The following RBFOX3 variants were observed in gnomAD, a reference collection of about 807,000 sequenced individuals.
RBFOX3 encodes RNA binding protein fox-1 homolog 3.
A neutral mutation model predicts 48.7 loss-of-function variants in RBFOX3; 17 were observed. The ratio of observed to expected loss-of-function variants is 0.35; its 90% CI spans 0.24 to 0.52. RBFOX3 has a LOEUF of 0.52. Among genes scored for constraint, RBFOX3 ranks in the 20% least tolerant of loss-of-function variants. The pLI, the probability that RBFOX3 is intolerant of heterozygous loss-of-function variation, is 0.94. For missense variants in RBFOX3, 382 were observed against 497.5 expected, an observed-to-expected ratio of 0.77 and a Z score of 2.21; for synonymous variants, 212 against 209.5, an observed-to-expected ratio of 1.01 and a Z score of -0.10.
intron 4 of RBFOX3, among the ~76,000 whole-genome samples, chr17:79,131,802 G>T (rs2707048): frequency 6.6e-6 from 1 of 151,910 alleles, no homozygotes; most frequent in Non-Finnish European, 1.5e-5. Context: ...GCTGAGAGAT[G>T]GCCCCGAATC....
At chr17:79,141,918 A>G (rs1445978729) in intron 4 of RBFOX3, among the ~76,000 whole-genome samples, 1 of 152,196 alleles carries the variant, frequency 6.6e-6, no homozygotes, top group African/African-American at 2.4e-5. Flanking sequence ...CCCCTACCTG[A>G]CCTCACAGGA....
intron 4 of RBFOX3, among the ~76,000 whole-genome samples, chr17:79,175,558 T>C (rs994758361): frequency 6.6e-6 from 1 of 152,240 alleles, no homozygotes; most frequent in African/African-American, 2.4e-5. Flanking sequence ...GCCCTCTTCC[T>C]GTCTCCAGGC....
At chr17:79,096,898 G>A (rs1351044367) in intron 11 of RBFOX3, 65 bp from the exon 12 acceptor site, 1 of 618,828 alleles carries the variant, frequency 1.6e-6, no homozygotes, top group Non-Finnish European at 2.9e-6. Flanking sequence ...CAAACCCCGG[G>A]GCCCATAGCC....
intron 1 of RBFOX3, among the ~76,000 whole-genome samples, chr17:79,494,260 G>A (rs945582639): frequency 1.3e-5 from 2 of 152,218 alleles, no homozygotes; most frequent in Admixed American, 6.5e-5. Flanking sequence ...GCAGTTCAGA[G>A]TCTTGGTGGG....
intron 2 of RBFOX3, among the ~76,000 whole-genome samples, chr17:79,411,934 G>T (rs1031097229): frequency 2.0e-4 from 31 of 152,232 alleles, no homozygotes; most frequent in African/African-American, 7.0e-4. Context: ...CGAGTGTGTA[G>T]TATGTGTGCG....
At chr17:79,507,819 T>C (rs1568359329) in intron 1 of RBFOX3, among the ~76,000 whole-genome samples, 1 of 152,122 alleles carries the variant, frequency 6.6e-6, no homozygotes, top group East Asian at 1.9e-4. Context: ...CACGCACCAA[T>C]GAGGTTGCAC....
chr17:79,368,625 C>T (rs1015421205), intron 2 of RBFOX3, among the ~76,000 whole-genome samples: 8 of 152,154 alleles, frequency 5.3e-5, no homozygotes, highest in African/African-American at 1.2e-4. Flanking sequence ...TGTTACCATC[C>T]GAGAAGGTGC....
intron 2 of RBFOX3, among the ~76,000 whole-genome samples, chr17:79,371,933 G>C (rs533619636): frequency 1.3e-5 from 2 of 152,258 alleles, no homozygotes; most frequent in Non-Finnish European, 2.9e-5. Context: ...GAGGATCGAG[G>C]CTCCTAAGCA....
At chr17:79,551,548 T>C (rs1171022332) in intron 1 of RBFOX3, among the ~76,000 whole-genome samples, 1 of 146,754 alleles carries the variant, frequency 6.8e-6, no homozygotes, top group East Asian at 2.0e-4. Flanking sequence ...GGTGGGTGGA[T>C]GGATGGGCAG....
chr17:79,180,081 G>C (rs1019354027), intron 4 of RBFOX3, among the ~76,000 whole-genome samples: 2 of 152,194 alleles, frequency 1.3e-5, no homozygotes, highest in African/African-American at 4.8e-5. Context: ...GGTGTCAGAT[G>C]ATCCGAAATC....
At position 79,243,091 on chromosome 17, in the gene RBFOX3, G is replaced by T. The variant is rs771657042; in HGVS notation, c.-73-7286C>A. Among the ~76,000 whole-genome samples, 2 of 152,190 alleles carry T rather than the reference G, an allele frequency of 1.3e-5. No homozygotes were observed. Among genetic ancestry groups the T allele is most frequent in the African/African-American group, 4.8e-5 (2 of 41,446 alleles). ...CATTTCAGCTTTACAACCACCCTAGGGGGCAGGTACTATGATCACTTCCAG... is the reference window on the plus strand; with the variant it reads ...CATTTCAGCTTTACAACCACCCTAGTGGGCAGGTACTATGATCACTTCCAG... On this transcript the variant is annotated intron_variant, in intron 3 of 14. Coordinates refer to ENST00000693108, the MANE Select transcript of RBFOX3 (RefSeq NM_001350451.2). The surrounding 1 kb of genome is among the most constrained non-coding windows in gnomAD (Gnocchi z 7.9).
Position 79,252,282 on chromosome 17 carries a change from G to A in RBFOX3, c.-73-16477C>T, listed in dbSNP as rs1406563367. ...CCCACTCTAGCCGAGTTCCCTGTGG[G>A]TCCAACCTTTTGCTTCCCTTGATGT... On this transcript the variant is annotated intron_variant, in intron 3 of 14. Coordinates refer to ENST00000693108, the MANE Select transcript of RBFOX3 (RefSeq NM_001350451.2). This position sits in a 1 kb window ranked among gnomAD's most constrained non-coding sequence, Gnocchi z 4.0. Among the ~76,000 whole-genome samples, 3 of 93,682 alleles carry A rather than the reference G, an allele frequency of 3.2e-5. No homozygotes were observed. The highest frequency in any genetic ancestry group is 4.8e-4 in the East Asian group (2 of 4,146). The allele number at this position is 93,682 out of a possible 152,430, so 61.5% of individuals were successfully genotyped here.
intron 2 of RBFOX3, among the ~76,000 whole-genome samples, chr17:79,455,238 T>C (rs565202659): frequency 1.3e-5 from 2 of 152,124 alleles, no homozygotes; most frequent in East Asian, 3.9e-4. Context: ...CACAAAAGGA[T>C]CCAAAGACGC....
intron 2 of RBFOX3, among the ~76,000 whole-genome samples, chr17:79,425,711 G>A (rs1290271873): frequency 6.6e-6 from 1 of 152,182 alleles, no homozygotes; most frequent in Non-Finnish European, 1.5e-5. Flanking sequence ...CACGAATTCC[G>A]ACTTAGAAGG....
upstream of RBFOX3, among the ~76,000 whole-genome samples, chr17:79,613,049 G>C (rs1033587959): frequency 4.1e-4 from 62 of 152,342 alleles, no homozygotes; most frequent in African/African-American, 1.4e-3. Context: ...TGCGAGTTCT[G>C]CATGTGCCTG....
chr17:79,452,651 G>A (rs2073747778), intron 2 of RBFOX3, among the ~76,000 whole-genome samples: 2 of 152,170 alleles, frequency 1.3e-5, no homozygotes, highest in African/African-American at 4.8e-5. Flanking sequence ...GAGGCTCCAG[G>A]AAGAAAGAAG....
intron 2 of RBFOX3, among the ~76,000 whole-genome samples, chr17:79,349,863 C>G (rs1016039918): frequency 3.3e-5 from 5 of 151,446 alleles, no homozygotes; most frequent in Admixed American, 6.6e-5. Flanking sequence ...GTTCCCTGAG[C>G]CCCCCGGGGC....
rs928151747 is a variant in RBFOX3 at position 79,488,734 on chromosome 17, T to G, written c.-319-6136A>C. Among the ~76,000 whole-genome samples, 7 of 152,328 alleles carry G rather than the reference T, an allele frequency of 4.6e-5. No individual in the cohort carries two copies. The South Asian group carries it at 8.3e-4, about 18-fold the overall frequency. On this transcript the variant is annotated intron_variant, in intron 1 of 14. Transcript: ENST00000693108. ...CAACCCCATCCCTGCCCAAAGTGTC[T>G]TGGATGTCACCTTCCCTGCCCCCTG... is the stretch of plus-strand genomic sequence containing the variant.
intron 4 of RBFOX3, among the ~76,000 whole-genome samples, chr17:79,221,253 C>T (rs943568897): frequency 3.3e-5 from 5 of 152,264 alleles, no homozygotes; most frequent in African/African-American, 7.2e-5. Context: ...GCTCCACCAT[C>T]GGCCTGAAGG....
Sources: gnomAD v4.1 joint callset for allele counts (sites outside exome capture counted in the v4.1 genomes callset) on GRCh38, gnomAD v4.1.1 for gene constraint, Gnocchi (gnomAD v3.1) non-coding constraint, MANE v1.5 for transcripts, NCBI Gene and HGNC (gene_info 2026-07-23, HGNC 2026-07-21) for gene names.